Variants in SYNE1 observed in about 807,000 individuals in gnomAD.
SYNE1 encodes the protein nesprin-1.
Under a neutral mutation model 1,111.0 loss-of-function variants are expected in SYNE1, and 616 were observed. That is an observed-to-expected ratio of 0.55 (90% CI 0.52 to 0.59). The LOEUF is 0.59. Ranked by LOEUF, SYNE1 falls within the 20% of genes least tolerant of loss-of-function variation. The probability of loss-of-function intolerance (pLI) is 0.00; values close to 1 mark genes in which losing one functional copy is unlikely to be tolerated. For missense variants in SYNE1, 10,006 were observed against 10,417.0 expected, an observed-to-expected ratio of 0.96 and a Z score of 1.72; for synonymous variants, 3,855 against 3,825.8, an observed-to-expected ratio of 1.01 and a Z score of -0.28.
At chr6:152,385,530 G>T in intron 55 of SYNE1, 144 bp downstream of exon 55, 1 of 855,234 alleles carries the variant, frequency 1.2e-6, no homozygotes, top group Non-Finnish European at 1.9e-6. Flanking sequence ...CATGACTCTT[G>T]TTTATGTGTA....
intron 127 of SYNE1, among the ~76,000 whole-genome samples, chr6:152,196,180 C>T (rs1242822707): frequency 1.3e-5 from 2 of 152,098 alleles, no homozygotes; most frequent in Non-Finnish European, 2.9e-5. Flanking sequence ...GGGGAGTGGG[C>T]TCCCCTCTGG....
In SYNE1 at chr6:152,465,940, T is replaced by C. The variant is rs781427936; in HGVS notation, c.1729+42A>G. The C allele has an allele frequency of 5.2e-6, 7 of 1,344,350 alleles. No individual in the cohort carries two copies. The African/African-American group carries it at 1.0e-4, about 19-fold the overall frequency. 83.3% of individuals were successfully genotyped at this position (1,344,350 alleles called of 1,614,324 possible). On this transcript the variant is annotated intron_variant, in intron 17 of 145. Coordinates refer to ENST00000367255, the MANE Select transcript of SYNE1 (RefSeq NM_182961.4). ...ATAGAAACCTGCAGGCTCTAAATTCTACTGCAGTCTACGTTGCAACAAATT... is the reference window on the plus strand; with the variant it reads ...ATAGAAACCTGCAGGCTCTAAATTCCACTGCAGTCTACGTTGCAACAAATT...
chr6:152,336,570 A>G, intron 76 of SYNE1: 1 of 498,238 alleles, frequency 2.0e-6, no homozygotes, highest in Non-Finnish European at 3.7e-6. Context: ...TTGCACTCCT[A>G]TGAGAATCTG....
At chr6:152,434,705 G>A (rs2098457761) in intron 33 of SYNE1, 2 of 151,434 alleles carry the variant, frequency 1.3e-5, no homozygotes, top group African/African-American at 4.9e-5. Flanking sequence ...ATGGCTTTCA[G>A]TTTAGAAAAA....
intron 52 of SYNE1, 68 bp from the exon 53 acceptor site, chr6:152,390,520 A>G: frequency 1.3e-6 from 2 of 1,519,258 alleles, no homozygotes; most frequent in South Asian, 1.2e-5. Context: ...AAAAAATGGT[A>G]GTTTTCCATA....
intron 126 of SYNE1, among the ~76,000 whole-genome samples, chr6:152,203,369 A>G (rs1028295969): frequency 1.3e-5 from 2 of 152,142 alleles, no homozygotes; most frequent in South Asian, 2.1e-4. Flanking sequence ...ATTAATTTCA[A>G]CTAAACAAGT....
At chr6:152,348,451 G>C (rs528522837) in intron 72 of SYNE1, among the ~76,000 whole-genome samples, 1 of 152,316 alleles carries the variant, frequency 6.6e-6, no homozygotes, top group East Asian at 1.9e-4. Flanking sequence ...TTGGGAGGCT[G>C]AGACTGGTGG....
intron 14 of SYNE1, chr6:152,474,586 C>T (rs1440344972): frequency 6.6e-6 from 1 of 152,246 alleles, no homozygotes; most frequent in Non-Finnish European, 1.5e-5. Context: ...CCACGAACCA[C>T]AGGAAACAAG....
chr6:152,255,184 T>C (rs1415371603), intron 103 of SYNE1, 95 bp from the exon 104 acceptor site: 5 of 1,090,176 alleles, frequency 4.6e-6, no homozygotes, highest in Non-Finnish European at 6.8e-6. Context: ...TAGATCTCTC[T>C]GGCTGCTTAG....
intron 108 of SYNE1, 148 bp from the exon 109 acceptor site, chr6:152,237,096 T>C: frequency 3.6e-6 from 4 of 1,108,928 alleles, no homozygotes; most frequent in Non-Finnish European, 5.2e-6. Flanking sequence ...AAGCAAAAGA[T>C]GGCTTTAAAG....
chr6:152,184,758 A>G, intron 128 of SYNE1, among the ~76,000 whole-genome samples: 1 of 152,160 alleles, frequency 6.6e-6, no homozygotes, highest in Admixed American at 6.6e-5. Context: ...GCTACACCTT[A>G]AAAAAGACAC....
At chr6:152,243,890 G>C (rs1427801828) in intron 106 of SYNE1, among the ~76,000 whole-genome samples, 2 of 152,096 alleles carry the variant, frequency 1.3e-5, no homozygotes, top group African/African-American at 4.8e-5. Flanking sequence ...AATATCCAAG[G>C]ATCTTCTTCC....
intron 42 of SYNE1, among the ~76,000 whole-genome samples, chr6:152,410,765 G>A (rs534553496): frequency 6.6e-6 from 1 of 152,238 alleles, no homozygotes; most frequent in East Asian, 1.9e-4. Flanking sequence ...AAATGCCTTT[G>A]AGCAAGCAAG....
rs949775579 is a variant in SYNE1 at position 152,458,659 on chromosome 6, G to A, written c.2568+98C>T. 8.3e-6 allele frequency: 11 copies of A among 1,318,142 alleles called. No individual in the cohort carries two copies. In the African/African-American group the frequency reaches 1.5e-4, roughly 18 times the overall value. The allele number at this position is 1,318,142 out of a possible 1,614,324, so 81.7% of individuals were successfully genotyped here. A position where few individuals can be genotyped will look rare whatever the true frequency, so the allele number is the denominator to read the frequency against. On this transcript the variant is annotated intron_variant, in intron 22 of 145. Transcript: ENST00000367255. ...GTTAGTAGTACTATTCTAGAAAAAT[G>A]TTTCTTGTCCTCACTGAATTTCTAT...
chr6:152,427,472 T>C, intron 38 of SYNE1: 1 of 613,114 alleles, frequency 1.6e-6, no homozygotes, highest in Non-Finnish European at 2.8e-6. Context: ...TAACACATCA[T>C]GGAAATTGAT....
chr6:152,533,759 A>AT (rs201736964), intron 4 of SYNE1, among the ~76,000 whole-genome samples: 6 of 151,242 alleles, frequency 4.0e-5, no homozygotes, highest in African/African-American at 7.3e-5. Context: ...TGAGATGGTT[A>AT]TTTTTTTTTC....
At chr6:152,354,154 A>C (rs1305164605) in intron 67 of SYNE1, among the ~76,000 whole-genome samples, 1 of 152,178 alleles carries the variant, frequency 6.6e-6, no homozygotes, top group Non-Finnish European at 1.5e-5. Context: ...AAAATTAAAT[A>C]AAATAAATAA....
chr6:152,333,507 C>T (rs1351579455), intron 77 of SYNE1, among the ~76,000 whole-genome samples: 1 of 152,086 alleles, frequency 6.6e-6, no homozygotes, highest in African/African-American at 2.4e-5. Flanking sequence ...CTCTTTTACC[C>T]ACTGGTTAAA....
intron 95 of SYNE1, among the ~76,000 whole-genome samples, chr6:152,287,952 T>C (rs1006078758): frequency 6.6e-6 from 1 of 152,246 alleles, no homozygotes; most frequent in Non-Finnish European, 1.5e-5. Flanking sequence ...TTATTATATA[T>C]GCAAAGTATT....
Sources: gnomAD v4.1 joint callset for allele counts (sites outside exome capture counted in the v4.1 genomes callset) on GRCh38, gnomAD v4.1.1 for gene constraint, MANE v1.5 for transcripts, NCBI Gene and HGNC (gene_info 2026-07-23, HGNC 2026-07-21) for gene names.